The following CSF1R variants were observed in gnomAD, a reference collection of about 807,000 sequenced individuals.
The protein encoded by CSF1R is colony stimulating factor 1 receptor.
Under a neutral mutation model 110.0 loss-of-function variants are expected in CSF1R, and 40 were observed. That is an observed-to-expected ratio of 0.36 (90% CI 0.28 to 0.47). The LOEUF (loss-of-function observed/expected upper bound fraction) is 0.47, where lower values mean the gene tolerates loss of function less well. Among genes scored for constraint, CSF1R ranks in the 20% least tolerant of loss-of-function variants. The pLI is 0.99. For missense variants in CSF1R, 1,052 were observed against 1,253.0 expected, an observed-to-expected ratio of 0.84 and a Z score of 2.42; for synonymous variants, 523 against 503.4, an observed-to-expected ratio of 1.04 and a Z score of -0.52.
chr5:150,111,457 C>T (rs1014657543), intron 1 of CSF1R, among the ~76,000 whole-genome samples: 4 of 152,238 alleles, frequency 2.6e-5, no homozygotes, highest in Non-Finnish European at 5.9e-5. Context: ...GCCTGAGAGG[C>T]CCAAGCCCTC....
At chr5:150,079,844 T>C (rs1414058613) in intron 3 of CSF1R, among the ~76,000 whole-genome samples, 6 of 152,226 alleles carry the variant, frequency 3.9e-5, no homozygotes, top group Non-Finnish European at 8.8e-5. Flanking sequence ...CACTGAGTTA[T>C]TTGCTCACAT....
chr5:150,053,774 A>G lies in CSF1R; in HGVS notation c.*295T>C. On this transcript the variant is annotated 3_prime_UTR_variant, in exon 21 of 21. Coordinates refer to ENST00000675795, the MANE Select transcript of CSF1R (RefSeq NM_001288705.3). Reference sequence around the variant, plus strand: ...TTTCCATGAAGATAAGGGGATTAGGAAAGAAGGTTCTACTAGTTGGCATAG... The same window carrying G: ...TTTCCATGAAGATAAGGGGATTAGGGAAGAAGGTTCTACTAGTTGGCATAG... The G allele has an allele frequency of 2.0e-6, 1 of 499,636 alleles. No homozygotes were observed. The highest frequency in any genetic ancestry group is 3.6e-6 in the Non-Finnish European group (1 of 275,632). The allele number at this position is 499,636 out of a possible 1,614,324, so 31.0% of individuals were successfully genotyped here.
intron 1 of CSF1R, among the ~76,000 whole-genome samples, chr5:150,084,836 G>A (rs1233307736): frequency 6.6e-6 from 1 of 152,214 alleles, no homozygotes; most frequent in Non-Finnish European, 1.5e-5. Flanking sequence ...CAGGCAGGTT[G>A]TGGGTGTAAG....
chr5:150,086,578 C>CT, upstream of CSF1R: 1 of 668,464 alleles, frequency 1.5e-6, no homozygotes, highest in Non-Finnish European at 2.6e-6. Flanking sequence ...CTTCCTCCTC[C>CT]TTGGGCTGAT....
At chr5:150,080,483 G>T (rs761181580) in intron 2 of CSF1R, 147 bp from the exon 3 acceptor site, 7 of 1,165,930 alleles carry the variant, frequency 6.0e-6, no homozygotes, top group Non-Finnish European at 5.9e-6. Context: ...ATGCTTCAGC[G>T]TGGTGGCTCC....
rs2113777984 is a variant in CSF1R at position 150,056,022 on chromosome 5, T to C, written c.2554+4A>G. The C allele has an allele frequency of 6.2e-7, 1 of 1,613,642 alleles. No homozygotes were observed. The highest frequency in any genetic ancestry group is 8.5e-7 in the Non-Finnish European group (1 of 1,179,612). On this transcript the variant is annotated splice_donor_region_variant and intron_variant, in intron 18 of 20. Transcript: ENST00000675795. ...CTCTGCCTGGAGTGGGCCCAGTGGC[T>C]CACCAAGTGAGAAGATCTCCCAGAG...
In CSF1R at chr5:150,061,514, T is replaced by C. The variant is rs2113791887; in HGVS notation, c.1835A>G (p.Lys612Arg). ...FGLGKEDAVL[K>R]VAVKMLKSTA... Reference sequence around the variant, plus strand: ...ACACTTCAGCATCTTCACAGCCACCTTCAGGACAGCATCCTCCTTGCCCAG... The same window carrying C: ...ACACTTCAGCATCTTCACAGCCACCCTCAGGACAGCATCCTCCTTGCCCAG... The change falls in exon 12 of 21, where the codon AAG (lysine) becomes AGG (arginine). Residue 612 changes from lysine (K) to arginine (R), a missense_variant. This residue lies in a region of CSF1R where 76 missense variants were observed against 133.6 expected (regional missense o/e 0.57). Transcript: ENST00000675795. 6.8e-7 allele frequency: 1 copy of C among 1,479,002 alleles called. No individual in the cohort carries two copies. Among genetic ancestry groups the C allele is most frequent in the East Asian group, 3.1e-5 (1 of 32,560 alleles). The allele number at this position is 1,479,002 out of a possible 1,614,324, so 91.6% of individuals were successfully genotyped here.
intron 10 of CSF1R, chr5:150,067,120 A>T (rs1757807823): frequency 6.6e-6 from 1 of 151,920 alleles, no homozygotes; most frequent in African/African-American, 2.4e-5. Context: ...TTGTGTGGGC[A>T]GGCAGGCAGT....
chr5:150,109,884 C>A (rs1180038174), intron 1 of CSF1R, among the ~76,000 whole-genome samples: 6 of 152,196 alleles, frequency 3.9e-5, no homozygotes, highest in Non-Finnish European at 8.8e-5. Context: ...AGTCCAAATG[C>A]CCCTCAGTAG....
intron 13 of CSF1R, among the ~76,000 whole-genome samples, chr5:150,060,411 T>C (rs1346517893): frequency 2.6e-5 from 4 of 151,694 alleles, no homozygotes; most frequent in Non-Finnish European, 5.9e-5. Flanking sequence ...AGGAAAGCTA[T>C]GGCGGCTCAC....
intron 1 of CSF1R, among the ~76,000 whole-genome samples, chr5:150,105,384 ATTTTT>A (rs35556562): frequency 0.021 from 1,761 of 84,072 alleles, 25 homozygotes; most frequent in African/African-American, 0.025. Context: ...ATATATATAT[ATTTTT>A]TTTTTTTTAA....
Position 150,069,926 on chromosome 5 carries a change from C to T in CSF1R, c.1457G>A (p.Arg486Lys), listed in dbSNP as rs1757959101. ...TLEHNQTYEC[R>K]AHNSVGSGSW... ...GCCACTCCCCACGCTGTTGTGGGCC[C>T]TGCACTCGTAGGTTTGGTTGTGCTC... Residue 486 changes from arginine (R) to lysine (K), a missense_variant, in exon 9 of 21, where the codon AGG becomes AAG. Arg to Lys is a conservative substitution (Grantham distance 26). Coordinates refer to ENST00000675795, the MANE Select transcript of CSF1R (RefSeq NM_001288705.3). The T allele has an allele frequency of 1.9e-6, 3 of 1,613,970 alleles. No homozygotes were observed. The highest frequency in any genetic ancestry group is 1.3e-5 in the African/African-American group (1 of 74,900).
At position 150,068,269 on chromosome 5, in the gene CSF1R, G is replaced by A. The variant is rs765242014; in HGVS notation, c.1572C>T (p.Ser524=). 6.2e-7 allele frequency: 1 copy of A among 1,612,834 alleles called. No individual in the cohort carries two copies. Among genetic ancestry groups the A allele is most frequent in the Non-Finnish European group, 8.5e-7 (1 of 1,179,960 alleles). ...LFTPVVVACM[S]IMALLLLLLL... ...GCAGCAGCAGCAGCAAGGCCATGATGGACATGCAGGCGACCACCACTGGTG... is the reference window on the plus strand; with the variant it reads ...GCAGCAGCAGCAGCAAGGCCATGATAGACATGCAGGCGACCACCACTGGTG... Residue 524 remains serine (S), a synonymous_variant, in exon 10 of 21, where the codon TCC becomes TCT. Transcript: ENST00000675795.
intron 1 of CSF1R, among the ~76,000 whole-genome samples, chr5:150,084,813 C>T (rs1220057671): frequency 2.0e-5 from 3 of 152,102 alleles, no homozygotes; most frequent in Admixed American, 6.5e-5. Flanking sequence ...GATACTTTTC[C>T]GTTTTTGCCC....
intron 1 of CSF1R, among the ~76,000 whole-genome samples, chr5:150,096,155 C>G (rs566274050): frequency 6.6e-6 from 1 of 152,170 alleles, no homozygotes; most frequent in Non-Finnish European, 1.5e-5. Flanking sequence ...TTTGGGAGAC[C>G]GAGGCGGGCG....
intron 1 of CSF1R, among the ~76,000 whole-genome samples, chr5:150,113,069 C>A (rs1759775390): frequency 6.6e-6 from 1 of 152,166 alleles, no homozygotes. Flanking sequence ...CCCAGCAACC[C>A]TATTGCCCCT....
exon 1 of CSF1R, chr5:150,113,345 A>C (rs945110062): frequency 4.6e-5 from 7 of 152,870 alleles, no homozygotes; most frequent in African/African-American, 1.7e-4. Context: ...TCGTGCTCTC[A>C]CGCTTTTGGA....
chr5:150,105,182 C>T (rs1354447283), intron 1 of CSF1R, among the ~76,000 whole-genome samples: 1 of 150,420 alleles, frequency 6.6e-6, no homozygotes, highest in African/African-American at 2.4e-5. Flanking sequence ...CCCTGTCTCT[C>T]CTAAAAATAC....
intron 10 of CSF1R, among the ~76,000 whole-genome samples, chr5:150,064,674 CTG>C (rs1429815663): frequency 2.0e-5 from 3 of 152,224 alleles, no homozygotes; most frequent in African/African-American, 7.2e-5. Context: ...TCTTGTTCCT[CTG>C]TCCCTCTGCA....
Sources: gnomAD v4.1 joint callset for allele counts (sites outside exome capture counted in the v4.1 genomes callset) on GRCh38, gnomAD v4.1.1 for gene constraint, gnomAD v4.1.1 regional missense constraint, MANE v1.5 for transcripts, NCBI Gene and HGNC (gene_info 2026-07-23, HGNC 2026-07-21) for gene names.